The following FBXO34 variants were observed in gnomAD, a reference collection of about 807,000 sequenced individuals.
The protein encoded by FBXO34 is F-box protein 34.
In FBXO34, 12 loss-of-function variants were observed where a neutral mutation model predicts 24.5. The observed-to-expected ratio is 0.49, with a 90% CI of 0.31 to 0.79. The LOEUF (loss-of-function observed/expected upper bound fraction) is 0.79. Ranked by LOEUF, FBXO34 falls within the 30% of genes least tolerant of loss-of-function variation. The probability of loss-of-function intolerance (pLI) is 0.04; values close to 1 mark genes in which losing one functional copy is unlikely to be tolerated. For synonymous variants in FBXO34, 320 were observed against 311.9 expected (o/e 1.03, Z -0.27); for missense variants, 823 against 857.7 (o/e 0.96, Z 0.51).
intron 1 of FBXO34, among the ~76,000 whole-genome samples, chr14:55,327,436 ATGG>A (rs1276740846): frequency 6.6e-6 from 1 of 152,172 alleles, no homozygotes. Context: ...CAGGTGAGAA[ATGG>A]TGGTGACTTA....
intron 1 of FBXO34, among the ~76,000 whole-genome samples, chr14:55,275,841 A>AAAC (rs1555334276): frequency 6.8e-6 from 1 of 147,834 alleles, no homozygotes; most frequent in Non-Finnish European, 1.5e-5. Context: ...AAAAAAAAAA[A>AAAC]CGAGGATAAA....
At chr14:55,305,135 G>A (rs891572581) in intron 1 of FBXO34, among the ~76,000 whole-genome samples, 3 of 152,196 alleles carry the variant, frequency 2.0e-5, no homozygotes, top group Admixed American at 1.3e-4. Flanking sequence ...AGTCTTGGCC[G>A]GGCCTGATGG....
chr14:55,417,525 C>T, the FBXO34 span, among the ~76,000 whole-genome samples: 2 of 150,752 alleles, frequency 1.3e-5, no homozygotes, highest in Non-Finnish European at 2.9e-5. Context: ...ACCATCTCAG[C>T]TCACTGCAAC....
chr14:55,283,976 CTGTGTGTGTGTGTA>C (rs1168668779), intron 1 of FBXO34, among the ~76,000 whole-genome samples: 3 of 108,768 alleles, frequency 2.8e-5, no homozygotes, highest in African/African-American at 1.1e-4. Context: ...GTGTGTGTGT[CTGTGTGTGTGTGTA>C]TGTGTATGTA....
At chr14:55,410,349 G>A in the FBXO34 span, among the ~76,000 whole-genome samples, 59 of 152,296 alleles carry the variant, frequency 3.9e-4, no homozygotes, top group African/African-American at 1.2e-3. Flanking sequence ...CGTGTAGACA[G>A]ACAAGAAGGT....
the FBXO34 span, among the ~76,000 whole-genome samples, chr14:55,393,273 T>A: frequency 1.3e-4 from 19 of 151,926 alleles, no homozygotes; most frequent in Non-Finnish European, 2.2e-4. Flanking sequence ...TAGTCCCAGC[T>A]ACTCGGGAGG....
At chr14:55,390,980 T>C in the FBXO34 span, 1 of 1,605,546 alleles carries the variant, frequency 6.2e-7, no homozygotes. Context: ...TTGCAGGACA[T>C]TATTTTCCAT....
downstream of FBXO34, among the ~76,000 whole-genome samples, chr14:55,370,389 A>T (rs1167274108): frequency 1.4e-5 from 2 of 141,354 alleles, no homozygotes; most frequent in Non-Finnish European, 3.2e-5. Flanking sequence ...GTTCCTGTAC[A>T]TATTTAAAAA....
intron 1 of FBXO34, among the ~76,000 whole-genome samples, chr14:55,337,705 G>A (rs1194515005): frequency 6.6e-6 from 1 of 152,220 alleles, no homozygotes; most frequent in Non-Finnish European, 1.5e-5. Context: ...CACTTAGAGG[G>A]AAGTTAAATA....
chr14:55,373,761 A>C (rs1292785490), downstream of FBXO34, among the ~76,000 whole-genome samples: 1 of 149,860 alleles, frequency 6.7e-6, no homozygotes, highest in East Asian at 1.9e-4. Flanking sequence ...GCCTGGTCCT[A>C]TTTTTATTTT....
At chr14:55,340,100 G>A (rs1477279058) in intron 1 of FBXO34, among the ~76,000 whole-genome samples, 1 of 152,168 alleles carries the variant, frequency 6.6e-6, no homozygotes, top group Non-Finnish European at 1.5e-5. Flanking sequence ...GTGTTGCTCA[G>A]GCTGGACTCA....
At chr14:55,385,855 G>A in the FBXO34 span, 4 of 1,600,060 alleles carry the variant, frequency 2.5e-6, no homozygotes, top group East Asian at 4.5e-5. Context: ...CTTGCTTAAT[G>A]TACCTCACAC....
At chr14:55,280,684 G>A (rs1208109841) in intron 1 of FBXO34, among the ~76,000 whole-genome samples, 2 of 151,804 alleles carry the variant, frequency 1.3e-5, no homozygotes, top group African/African-American at 4.8e-5. Flanking sequence ...CCGCCACCTC[G>A]CCCGGCTAAT....
the FBXO34 span, chr14:55,378,155 G>A: frequency 8.5e-7 from 1 of 1,177,286 alleles, no homozygotes; most frequent in South Asian, 1.3e-5. Flanking sequence ...AGTACAATTA[G>A]GTATAACACA....
chr14:55,438,524 G>A, the FBXO34 span, among the ~76,000 whole-genome samples: 1 of 152,054 alleles, frequency 6.6e-6, no homozygotes, highest in African/African-American at 2.4e-5. Flanking sequence ...CGCAATTTAC[G>A]CTAAAGCACC....
chr14:55,322,896 G>A lies in FBXO34; in HGVS notation c.-10-27485G>A, dbSNP rs1480226222. 6.6e-5 allele frequency among the ~76,000 whole-genome samples: 10 copies of A among 150,458 alleles called. 1 individual carries two copies. The highest frequency in any genetic ancestry group is 1.2e-4 in the Non-Finnish European group (8 of 67,740). ...TTTTACTAAAATTATTTTTTTGGCCGGGCACGGTGGCTCACGCCTGTAATC... is the reference window on the plus strand; with the variant it reads ...TTTTACTAAAATTATTTTTTTGGCCAGGCACGGTGGCTCACGCCTGTAATC... On this transcript the variant is annotated intron_variant, in intron 1 of 1. Transcript: ENST00000313833.
the FBXO34 span, chr14:55,440,356 G>A: frequency 6.2e-7 from 1 of 1,611,824 alleles, no homozygotes; most frequent in Non-Finnish European, 8.5e-7. Flanking sequence ...GACCGGGCGG[G>A]ACTTGGGTCC....
chr14:55,379,074 T>C, the FBXO34 span, among the ~76,000 whole-genome samples: 4 of 152,160 alleles, frequency 2.6e-5, no homozygotes, highest in East Asian at 7.7e-4. Flanking sequence ...GTTGATTTGT[T>C]TACTATTTAT....
At chr14:55,354,624 G>A (rs958032158), downstream of FBXO34, 3 of 152,246 alleles carry the variant, frequency 2.0e-5, no homozygotes, top group African/African-American at 7.2e-5. Context: ...GCAGTACTTG[G>A]GTCCCTCAGA....
Sources: gnomAD v4.1 joint callset for allele counts (sites outside exome capture counted in the v4.1 genomes callset) on GRCh38, gnomAD v4.1.1 for gene constraint, MANE v1.5 for transcripts, NCBI Gene and HGNC (gene_info 2026-07-23, HGNC 2026-07-21) for gene names.